The following DDX23 variants were observed in gnomAD, a reference collection of about 807,000 sequenced individuals.
DDX23 encodes the protein probable ATP-dependent RNA helicase DDX23.
A neutral mutation model predicts 102.7 loss-of-function variants in DDX23; 33 were observed. The observed-to-expected ratio is 0.32, with a 90% confidence interval of 0.24 to 0.43. The LOEUF is 0.43. DDX23 is among the 20% of genes least tolerant of loss of function. The probability of loss-of-function intolerance (pLI) is 1.00; values close to 1 mark genes in which losing one functional copy is unlikely to be tolerated. For synonymous variants in DDX23, 352 were observed against 376.0 expected, an observed-to-expected ratio of 0.94 and a Z score of 0.74; for missense variants, 549 against 1,086.6, an observed-to-expected ratio of 0.51 and a Z score of 6.96.
At chr12:48,848,694 C>T (rs1938709521) in intron 1 of DDX23, among the ~76,000 whole-genome samples, 1 of 152,156 alleles carries the variant, frequency 6.6e-6, no homozygotes. Context: ...AAGCGATCCT[C>T]CTGCCTAGGC....
Position 48,837,044 on chromosome 12 carries a change from T to A in DDX23, c.867-7A>T. On this transcript the variant is annotated splice_region_variant and splice_polypyrimidine_tract_variant and intron_variant, in intron 8 of 16. Coordinates refer to ENST00000308025, the MANE Select transcript of DDX23 (RefSeq NM_004818.3). ...CTGGTGCCGTTCTTTGTACCTGGGATTGAGATAGAGGAAAAGAAAAAAGAA... is the reference window on the plus strand; with the variant it reads ...CTGGTGCCGTTCTTTGTACCTGGGAATGAGATAGAGGAAAAGAAAAAAGAA... 1 of 1,613,786 alleles carries A rather than the reference T, an allele frequency of 6.2e-7. No individual in the cohort carries two copies. Among genetic ancestry groups the A allele is most frequent in the Non-Finnish European group, 8.5e-7 (1 of 1,179,980 alleles).
chr12:48,839,962 A>G, intron 4 of DDX23, 51 bp downstream of exon 4: 1 of 1,613,564 alleles, frequency 6.2e-7, no homozygotes. Flanking sequence ...TTTAAAGATC[A>G]ACAAAGCAAC....
At chr12:48,850,534 A>G (rs766868668) in intron 1 of DDX23, among the ~76,000 whole-genome samples, 2 of 152,192 alleles carry the variant, frequency 1.3e-5, no homozygotes, top group Non-Finnish European at 2.9e-5. Flanking sequence ...TTTTAAAGCC[A>G]TGGGACACTA....
intron 4 of DDX23, 47 bp downstream of exon 4, chr12:48,839,966 A>G (rs1938523244): frequency 6.2e-7 from 1 of 1,612,038 alleles, no homozygotes; most frequent in East Asian, 2.2e-5. Flanking sequence ...AAGATCAACA[A>G]AGCAACGCAC....
chr12:48,840,031 A>G lies in DDX23; in HGVS notation c.396T>C (p.His132=), dbSNP rs1026743887. ...RDSKKDEEDE[H]GDKKPKAQPL... is the part of the protein sequence containing the mutation. ...CCTTTACCTTAGGCTTCTTATCACC[A>G]TGTTCATCCTCTTCATCCTTCTTAG... Residue 132 remains histidine, a synonymous_variant, in exon 4 of 17, where the codon CAT becomes CAC. Coordinates refer to ENST00000308025, the MANE Select transcript of DDX23 (RefSeq NM_004818.3). The G allele has an allele frequency of 6.2e-7, 1 of 1,614,112 alleles. No homozygotes were observed. Among genetic ancestry groups the G allele is most frequent in the Admixed American group, 1.7e-5 (1 of 60,032 alleles).
rs1449067917 is a variant in DDX23, at chr12:48,834,544, T to C, written c.1383-47A>G. 1.9e-6 allele frequency: 3 copies of C among 1,575,584 alleles called. No individual in the cohort carries two copies. In the South Asian group the frequency reaches 3.5e-5, roughly 18 times the overall value. ...ACAGCTTCGTGAGCTTTGGTTCTTA[T>C]CCAACCACAAGCCAGAGCAAGACAA... On this transcript the variant is annotated intron_variant, in intron 11 of 16. Coordinates refer to ENST00000308025, the MANE Select transcript of DDX23 (RefSeq NM_004818.3).
chr12:48,833,756 A>C (rs1938424799), intron 12 of DDX23, among the ~76,000 whole-genome samples: 1 of 152,216 alleles, frequency 6.6e-6, no homozygotes, highest in South Asian at 2.1e-4. Context: ...AGAGGAGGCA[A>C]AATCAGTAGA....
In DDX23 at chr12:48,837,851, T is replaced by G. The variant is rs186881815; in HGVS notation, c.619+91A>C. On this transcript the variant is annotated intron_variant, in intron 6 of 16. Coordinates refer to ENST00000308025, the MANE Select transcript of DDX23 (RefSeq NM_004818.3). ...TCCTTCCCCTTTCCAAACTCCAGAG[T>G]GAACAGGTTTCTATCTCTCCTAAGA... 524 of 1,575,518 alleles carry G rather than the reference T, an allele frequency of 3.3e-4. 1 individual carries two copies. In the African/African-American group the frequency reaches 5.1e-3, roughly 15 times the overall value.
At position 48,834,440 on chromosome 12, in the gene DDX23, C is replaced by T. The variant is rs1168598921; in HGVS notation, c.1440G>A (p.Leu480=). Residue 480 remains leucine, a synonymous_variant, in exon 12 of 17, where the codon TTG becomes TTA. Coordinates refer to ENST00000308025, the MANE Select transcript of DDX23 (RefSeq NM_004818.3). The part of the protein sequence containing the change: ...YAIILAPTRE[L]AQQIEEETIK... ...TGGTCTCTTCCTCAATCTGTTGAGC[C>T]AACTCACGGGTGGGAGCCAGGATGA... The T allele has an allele frequency of 6.2e-7, 1 of 1,614,196 alleles. No individual in the cohort carries two copies. The highest frequency in any genetic ancestry group is 2.2e-5 in the East Asian group (1 of 44,888).
rs1043167473 is a variant in DDX23 at position 48,832,829 on chromosome 12, G to A, written c.1804-256C>T. ...GCACCTGTGGTCCCGGTAGCAGCAT[G>A]AGTCTTTGGAATCGTTTTTCCAGGG... On this transcript the variant is annotated intron_variant, in intron 13 of 16. Transcript: ENST00000308025. The surrounding 1 kb of genome is among the most constrained non-coding windows in gnomAD (Gnocchi z 4.4). 5.7e-6 allele frequency: 3 copies of A among 527,680 alleles called. No homozygotes were observed. The highest frequency in any genetic ancestry group is 3.3e-5 in the East Asian group (1 of 30,384). The allele number at this position is 527,680 out of a possible 1,614,324, so 32.7% of individuals were successfully genotyped here. A position where few individuals can be genotyped will look rare whatever the true frequency, so the allele number is the denominator to read the frequency against.
chr12:48,831,689 A>G (rs1938389965), intron 15 of DDX23: 1 of 427,644 alleles, frequency 2.3e-6, no homozygotes, highest in East Asian at 4.3e-5. Context: ...CCTCCCCTCA[A>G]GCACCAGTGA....
At chr12:48,844,530 C>T (rs1169422560) in intron 2 of DDX23, among the ~76,000 whole-genome samples, 1 of 152,076 alleles carries the variant, frequency 6.6e-6, no homozygotes, top group Admixed American at 6.5e-5. Context: ...CCACCTACCT[C>T]GGCCTCCCAA....
intron 12 of DDX23, 94 bp from the exon 13 acceptor site, chr12:48,833,613 T>C (rs1261112098): frequency 7.4e-6 from 11 of 1,484,150 alleles, no homozygotes; most frequent in Non-Finnish European, 1.0e-5. Flanking sequence ...AGACCTCCAA[T>C]GCTGAGGAAC....
chr12:48,836,752 G>A lies in DDX23; in HGVS notation c.1053C>T (p.Arg351=). 6.2e-7 allele frequency: 1 copy of A among 1,614,206 alleles called. No homozygotes were observed. Among genetic ancestry groups the A allele is most frequent in the South Asian group, 1.1e-5 (1 of 91,086 alleles). ...TCTGAGACCAATGACGATCATCCCA[G>A]CGCTGCTTGGCTTCCTTCTTACGAA... ...RKLRKKEAKQ[R]WDDRHWSQKK... The change falls in exon 10 of 17, where the codon CGC becomes CGT. Residue 351 remains arginine, a synonymous_variant. Transcript: ENST00000308025. The surrounding 1 kb of genome is among the most constrained non-coding windows in gnomAD (Gnocchi z 6.1).
chr12:48,844,024 C>T lies in DDX23; in HGVS notation c.236G>A (p.Arg79Gln), dbSNP rs1938620146. ...CTTATTCCGATCCCGCTCCTTATCT[C>T]GTTCTCGTTCTTTGTGCCGTCGTTC... is the stretch of plus-strand genomic sequence containing the variant. Reference protein sequence around the residue: ...ERERRHKERERDKERDRNKKD... With the variant: ...ERERRHKEREQDKERDRNKKD... The change falls in exon 3 of 17, where the codon CGA becomes CAA. Residue 79 changes from arginine (R) to glutamine (Q), a missense_variant. Coordinates refer to ENST00000308025, the MANE Select transcript of DDX23 (RefSeq NM_004818.3). 5 of 1,614,096 alleles carry T rather than the reference C, an allele frequency of 3.1e-6. No individual in the cohort carries two copies. The highest frequency in any genetic ancestry group is 1.6e-4 in the Middle Eastern group (1 of 6,062).
chr12:48,845,692 C>T lies in DDX23; in HGVS notation c.91G>A (p.Asp31Asn). The T allele has an allele frequency of 1.9e-6, 3 of 1,614,236 alleles. No individual in the cohort carries two copies. In the South Asian group the frequency reaches 3.3e-5, roughly 18 times the overall value. Reference sequence around the variant, plus strand: ...GAAGACTTCCGGTCCCGGTCTCTATCCCGCTCTCTGTCAGGAGTCCGTGAT... The same window carrying T: ...GAAGACTTCCGGTCCCGGTCTCTATTCCGCTCTCTGTCAGGAGTCCGTGAT... ...KRSRTPDRERDRDRDRKSSPS... is the reference protein window; with the variant it reads ...KRSRTPDRERNRDRDRKSSPS... Residue 31 changes from aspartate to asparagine, a missense_variant, in exon 2 of 17, where the codon GAT becomes AAT. Coordinates refer to ENST00000308025, the MANE Select transcript of DDX23 (RefSeq NM_004818.3).
intron 2 of DDX23, 52 bp from the exon 3 acceptor site, chr12:48,844,102 T>C: frequency 6.4e-7 from 1 of 1,557,722 alleles, no homozygotes; most frequent in Non-Finnish European, 8.9e-7. Flanking sequence ...AGTATCTTGC[T>C]TCACTGCAGC....
chr12:48,837,444 C>T (rs1938480570), intron 7 of DDX23, 51 bp from the exon 8 acceptor site: 2 of 1,612,928 alleles, frequency 1.2e-6, no homozygotes, highest in South Asian at 2.2e-5. Context: ...CCAATTCTCA[C>T]ATGCAGAGAT....
rs1938377248 is a variant in DDX23 at position 48,830,965 on chromosome 12, G to C, written c.2239+177C>G. 6.6e-6 allele frequency among the ~76,000 whole-genome samples: 1 copy of C among 152,166 alleles called. No homozygotes were observed. Among genetic ancestry groups the C allele is most frequent in the South Asian group, 2.1e-4 (1 of 4,826 alleles). ...ACACAAGTGTCATCCCAGCTGCTGGGACAACAAACCCAGGTAAGATAAAGG... is the reference window on the plus strand; with the variant it reads ...ACACAAGTGTCATCCCAGCTGCTGGCACAACAAACCCAGGTAAGATAAAGG... On this transcript the variant is annotated intron_variant, in intron 16 of 16. Transcript: ENST00000308025. This position sits in a 1 kb window ranked among gnomAD's most constrained non-coding sequence, Gnocchi z 4.9.
Sources: gnomAD v4.1 joint callset for allele counts (sites outside exome capture counted in the v4.1 genomes callset) on GRCh38, gnomAD v4.1.1 for gene constraint, Gnocchi (gnomAD v3.1) non-coding constraint, MANE v1.5 for transcripts, NCBI Gene and HGNC (gene_info 2026-07-23, HGNC 2026-07-21) for gene names.